The following LEKR1 variants were observed in gnomAD, a reference collection of about 807,000 sequenced individuals.
LEKR1 encodes the protein leucine, glutamate and lysine rich 1, also known as protein LEKR1.
Under a neutral mutation model 72.4 loss-of-function variants are expected in LEKR1, and 59 were observed. That is an observed-to-expected ratio of 0.82 (90% CI 0.66 to 1.01). The LOEUF (loss-of-function observed/expected upper bound fraction) is 1.01, where lower values mean the gene tolerates loss of function less well. Ranked by LOEUF, LEKR1 falls within the 50% of genes least tolerant of loss-of-function variation. The pLI is 0.00. For synonymous variants in LEKR1, 257 were observed against 263.2 expected, an observed-to-expected ratio of 0.98 and a Z score of 0.23; for missense variants, 728 against 759.2, an observed-to-expected ratio of 0.96 and a Z score of 0.48.
At chr3:156,948,359 C>A (rs1057320126) in intron 6 of LEKR1, among the ~76,000 whole-genome samples, 1 of 150,992 alleles carries the variant, frequency 6.6e-6, no homozygotes, top group Non-Finnish European at 1.5e-5. Flanking sequence ...TATATCCATG[C>A]ACCTCACAAA....
chr3:156,913,562 G>T (rs890425378), intron 3 of LEKR1, among the ~76,000 whole-genome samples: 2 of 152,152 alleles, frequency 1.3e-5, no homozygotes, highest in African/African-American at 4.8e-5. Context: ...TCTGGATGTT[G>T]TATCTCTGAT....
chr3:156,853,764 A>G (rs1310167908), intron 3 of LEKR1, among the ~76,000 whole-genome samples: 1 of 152,038 alleles, frequency 6.6e-6, no homozygotes, highest in Non-Finnish European at 1.5e-5. Flanking sequence ...GATATTTCTT[A>G]GTTTTTTACC....
At position 157,028,306 on chromosome 3, in the gene LEKR1, C is replaced by T. The variant is rs1487413674; in HGVS notation, c.1572C>T (p.Asn524=). The part of the protein sequence containing the change: ...EIDSNDSVSE[N]LRKEMEQKSD... Reference sequence around the variant, plus strand: ...ACAGTAATGATTCAGTTTCAGAAAACTTGAGGAAGGAAATGGAACAGAAGT... The same window carrying T: ...ACAGTAATGATTCAGTTTCAGAAAATTTGAGGAAGGAAATGGAACAGAAGT... The change falls in exon 12 of 13, where the codon AAC becomes AAT. Residue 524 remains asparagine (N), a synonymous_variant. Transcript: ENST00000356539. The T allele has an allele frequency of 6.2e-7, 1 of 1,613,392 alleles. No homozygotes were observed. Among genetic ancestry groups the T allele is most frequent in the South Asian group, 1.1e-5 (1 of 91,028 alleles).
intron 6 of LEKR1, among the ~76,000 whole-genome samples, chr3:156,956,020 A>C (rs150555429): frequency 6.6e-6 from 1 of 151,880 alleles, no homozygotes; most frequent in Admixed American, 6.6e-5. Context: ...GAATTTTTTT[A>C]GTTAGTCACA....
intron 1 of LEKR1, chr3:156,827,246 A>G (rs1711742201): frequency 6.6e-6 from 1 of 152,222 alleles, no homozygotes; most frequent in African/African-American, 2.4e-5. Flanking sequence ...AGACCTAGGA[A>G]TGCTTTTCTT....
At chr3:156,887,836 A>T (rs1193145989) in intron 3 of LEKR1, among the ~76,000 whole-genome samples, 1 of 152,174 alleles carries the variant, frequency 6.6e-6, no homozygotes, top group Non-Finnish European at 1.5e-5. Flanking sequence ...TAGCTCACTC[A>T]TTCATTCTTT....
At chr3:156,930,460 G>A (rs993978968) in intron 5 of LEKR1, among the ~76,000 whole-genome samples, 11 of 152,022 alleles carry the variant, frequency 7.2e-5, no homozygotes, top group African/African-American at 2.7e-4. Flanking sequence ...GTGGATAAAT[G>A]GATTCATTTT....
In LEKR1 at chr3:157,024,806, T is replaced by A. The variant is rs1233483004; in HGVS notation, c.1250T>A (p.Phe417Tyr). The A allele has an allele frequency of 1.1e-5, 17 of 1,611,788 alleles. No individual in the cohort carries two copies. Among genetic ancestry groups the A allele is most frequent in the Non-Finnish European group, 1.1e-5 (13 of 1,179,252 alleles). Reference protein sequence around the residue: ...AKERAQHLVEFEEQALLFKEE... With the variant: ...AKERAQHLVEYEEQALLFKEE... ...GAAAGGGCCCAACACTTGGTTGAATTTGAAGAGCAAGCTCTTCTCTTTAAG... is the reference window on the plus strand; with the variant it reads ...GAAAGGGCCCAACACTTGGTTGAATATGAAGAGCAAGCTCTTCTCTTTAAG... The change falls in exon 11 of 13, where the codon TTT becomes TAT. Residue 417 changes from phenylalanine to tyrosine, a missense_variant. Coordinates refer to ENST00000356539, the MANE Select transcript of LEKR1 (RefSeq NM_001004316.3).
At position 156,827,100 on chromosome 3, in the gene LEKR1, G is replaced by A. The variant is rs1401455560; in HGVS notation, c.-45+724G>A. On this transcript the variant is annotated intron_variant, in intron 1 of 12. Transcript: ENST00000356539. The stretch of plus-strand genomic sequence containing the variant: ...TAAAGGGACTTGTTTGATAACACAC[G>A]CAAAACTATGTAAGACTAAATTTAA... The A allele has an allele frequency of 3.3e-5, 5 of 152,346 alleles. No homozygotes were observed. The East Asian group carries it at 9.6e-4, about 29-fold the overall frequency. The allele number at this position is 152,346 out of a possible 1,614,324, so 9.4% of individuals were successfully genotyped here.
chr3:156,992,157 CT>C (rs1404433980), intron 7 of LEKR1, among the ~76,000 whole-genome samples: 1 of 152,226 alleles, frequency 6.6e-6, no homozygotes, highest in African/African-American at 2.4e-5. Flanking sequence ...CTTCAGCATC[CT>C]TTCTTTACTT....
intron 6 of LEKR1, among the ~76,000 whole-genome samples, chr3:156,970,373 C>T (rs1368744413): frequency 6.6e-6 from 1 of 152,120 alleles, no homozygotes; most frequent in Non-Finnish European, 1.5e-5. Flanking sequence ...GTTGCCATTG[C>T]TTTTGGTGTT....
At chr3:156,827,414 C>T (rs1339343830) in intron 1 of LEKR1, among the ~76,000 whole-genome samples, 2 of 152,146 alleles carry the variant, frequency 1.3e-5, no homozygotes, top group Non-Finnish European at 2.9e-5. Flanking sequence ...AAGCCGTTAG[C>T]TAACACAGGT....
At chr3:156,847,114 C>A (rs1417167771) in intron 2 of LEKR1, among the ~76,000 whole-genome samples, 1 of 152,164 alleles carries the variant, frequency 6.6e-6, no homozygotes, top group Non-Finnish European at 1.5e-5. Context: ...GGCCAAGAGG[C>A]ACAATTTTGA....
intron 2 of LEKR1, among the ~76,000 whole-genome samples, chr3:156,843,284 A>G (rs1714165355): frequency 6.6e-6 from 1 of 152,206 alleles, no homozygotes; most frequent in Non-Finnish European, 1.5e-5. Context: ...AGAGCAATGA[A>G]TAATTTTCCT....
In LEKR1 at chr3:157,011,521, G is replaced by C. The variant is rs554526373; in HGVS notation, c.1203+15G>C. On this transcript the variant is annotated intron_variant, in intron 10 of 12. Coordinates refer to ENST00000356539, the MANE Select transcript of LEKR1 (RefSeq NM_001004316.3). ...GGAAGGAGAAGGTAATGGTAGTGTG[G>C]CTTTCATCAGCATGCAACCTATTTG... 1 of 1,540,408 alleles carries C rather than the reference G, an allele frequency of 6.5e-7. No homozygotes were observed. Among genetic ancestry groups the C allele is most frequent in the South Asian group, 1.1e-5 (1 of 89,564 alleles).
intron 10 of LEKR1, among the ~76,000 whole-genome samples, chr3:157,013,240 C>G (rs939193909): frequency 6.6e-6 from 1 of 152,102 alleles, no homozygotes; most frequent in African/African-American, 2.4e-5. Flanking sequence ...ATGGAGTAAA[C>G]TTTCCTGCTT....
intron 7 of LEKR1, among the ~76,000 whole-genome samples, chr3:156,990,077 C>T (rs1203926359): frequency 6.6e-6 from 1 of 152,152 alleles, no homozygotes; most frequent in African/African-American, 2.4e-5. Flanking sequence ...ATCTCTTTAG[C>T]CTCCTTTAAT....
intron 5 of LEKR1, among the ~76,000 whole-genome samples, chr3:156,929,593 G>C (rs571340753): frequency 2.0e-5 from 3 of 152,148 alleles, no homozygotes; most frequent in South Asian, 4.1e-4. Flanking sequence ...GAATTAATCT[G>C]ATTCACGGGA....
At chr3:156,843,802 C>T (rs1044985064) in intron 2 of LEKR1, among the ~76,000 whole-genome samples, 70 of 151,718 alleles carry the variant, frequency 4.6e-4, no homozygotes, top group Non-Finnish European at 1.5e-4. Flanking sequence ...AAATGTTAGA[C>T]CTAGCATCCT....
Sources: allele counts gnomAD v4.1 joint callset (sites outside exome capture counted in the v4.1 genomes callset), GRCh38; gene constraint gnomAD v4.1.1; transcripts MANE v1.5; gene names NCBI Gene and HGNC (gene_info 2026-07-23, HGNC 2026-07-21).